Variants in CHD1 observed in about 807,000 individuals in gnomAD.
The protein encoded by CHD1 is chromodomain helicase DNA binding protein 1, also known as ATP-dependent chromatin remodeler CHD1.
Under a neutral mutation model 224.2 loss-of-function variants are expected in CHD1, and 36 were observed. The ratio of observed to expected loss-of-function variants is 0.16; its 90% CI spans 0.12 to 0.21. CHD1 has a LOEUF of 0.21. Ranked by LOEUF, CHD1 falls within the 10% of genes least tolerant of loss-of-function variation. CHD1 has a pLI of 1.00. For synonymous variants in CHD1, 668 were observed against 658.3 expected (o/e 1.01, Z -0.23); for missense variants, 1,378 against 1,994.8 (o/e 0.69, Z 5.89).
chr5:98,881,377 TA>T lies in CHD1; in HGVS notation c.2868-3del, dbSNP rs1419075262. Reference sequence around the variant, plus strand: ...TCTTCTTTATTGAAAGGAGTAGAACTAAAACAGGAAAAACAAAAATGCTTAA... The same window carrying T: ...TCTTCTTTATTGAAAGGAGTAGAACTAAACAGGAAAAACAAAAATGCTTAA... On this transcript the variant is annotated splice_polypyrimidine_tract_variant and splice_region_variant and intron_variant, in intron 20 of 35. Transcript: ENST00000614616. 1.4e-6 allele frequency: 2 copies of T among 1,472,652 alleles called. No individual in the cohort carries two copies. Among genetic ancestry groups the T allele is most frequent in the Non-Finnish European group, 1.8e-6 (2 of 1,098,176 alleles). 91.2% of individuals were successfully genotyped at this position (1,472,652 alleles called of 1,614,324 possible).
intron 25 of CHD1, among the ~76,000 whole-genome samples, chr5:98,874,141 A>G (rs1749568058): frequency 6.6e-6 from 1 of 152,166 alleles, no homozygotes; most frequent in Non-Finnish European, 1.5e-5. Context: ...ATAATTATGC[A>G]AGTATTTCAT....
intron 33 of CHD1, 34 bp from the exon 34 acceptor site, chr5:98,859,049 G>T: frequency 2.0e-6 from 3 of 1,521,624 alleles, no homozygotes; most frequent in Non-Finnish European, 2.7e-6. Context: ...AGAATCTTTA[G>T]GTGACTTCAC....
At chr5:98,878,614 T>C (rs930613796) in intron 23 of CHD1, among the ~76,000 whole-genome samples, 1 of 152,218 alleles carries the variant, frequency 6.6e-6, no homozygotes, top group African/African-American at 2.4e-5. Context: ...CTTAGGCCAC[T>C]GAATAAACAC....
chr5:98,911,990 G>A (rs1295040080), intron 2 of CHD1, among the ~76,000 whole-genome samples: 1 of 151,912 alleles, frequency 6.6e-6, no homozygotes, highest in Non-Finnish European at 1.5e-5. Context: ...AAACAATATA[G>A]GCCTTGAGTA....
intron 32 of CHD1, 63 bp downstream of exon 32, chr5:98,863,345 A>AAC: frequency 7.2e-6 from 1 of 138,690 alleles, no homozygotes; most frequent in Non-Finnish European, 1.1e-5. Context: ...GAAAGAAAAC[A>AAC]AAAAAAAAAA....
chr5:98,870,001 TAA>T, intron 29 of CHD1, 119 bp from the exon 30 acceptor site: 1 of 683,206 alleles, frequency 1.5e-6, no homozygotes, highest in Non-Finnish European at 2.4e-6. Flanking sequence ...CTATTGGTAA[TAA>T]GCTGTACCAA....
intron 35 of CHD1, 149 bp from the exon 36 acceptor site, chr5:98,856,874 C>T (rs1748074804): frequency 1.6e-6 from 1 of 610,702 alleles, no homozygotes; most frequent in African/African-American, 1.9e-5. Flanking sequence ...ACTTAATTAA[C>T]TCAAAAATCA....
chr5:98,875,092 T>C lies in CHD1; in HGVS notation c.3420A>G (p.Lys1140=). The C allele has an allele frequency of 6.6e-7, 1 of 1,516,538 alleles. No homozygotes were observed. The highest frequency in any genetic ancestry group is 9.1e-7 in the Non-Finnish European group (1 of 1,097,652). The allele number at this position is 1,516,538 out of a possible 1,614,324, so 93.9% of individuals were successfully genotyped here. The change falls in exon 25 of 36, where the codon AAA becomes AAG. Residue 1140 remains lysine, a synonymous_variant. Transcript: ENST00000614616. ...TTTACCTTTCCAGAGGACCACCAAA[T>C]TTCTTATAGCTCTTGATAAACCTAA... is the stretch of plus-strand genomic sequence containing the variant. ...EIRRFIKSYK[K]FGGPLERLDA...
intron 3 of CHD1, among the ~76,000 whole-genome samples, chr5:98,904,522 A>C (rs1228745450): frequency 6.6e-6 from 1 of 152,224 alleles, no homozygotes; most frequent in East Asian, 1.9e-4. Context: ...AGTAGCAATA[A>C]AGTATCTCCT....
At chr5:98,894,877 A>G (rs930248528) in intron 12 of CHD1, among the ~76,000 whole-genome samples, 191 bp from the exon 13 acceptor site, 1 of 151,470 alleles carries the variant, frequency 6.6e-6, no homozygotes, top group Non-Finnish European at 1.5e-5. Flanking sequence ...GGTGGAGTGC[A>G]ATGGCGTGAT....
At chr5:98,891,785 T>C (rs563485665) in intron 15 of CHD1, among the ~76,000 whole-genome samples, 10 of 152,230 alleles carry the variant, frequency 6.6e-5, no homozygotes, top group Admixed American at 5.9e-4. Flanking sequence ...TACTCCAGCC[T>C]GGAGTACAAA....
At chr5:98,885,768 A>T in intron 17 of CHD1, 119 bp from the exon 18 acceptor site, 1 of 650,528 alleles carries the variant, frequency 1.5e-6, no homozygotes, top group Non-Finnish European at 2.7e-6. Flanking sequence ...ACTATAATAG[A>T]AAGTACTTAC....
intron 22 of CHD1, 22 bp from the exon 23 acceptor site, chr5:98,879,750 A>G: frequency 6.6e-7 from 1 of 1,524,950 alleles, no homozygotes; most frequent in South Asian, 1.2e-5. Context: ...CAGAATTTTA[A>G]GAGTAACTGT....
At chr5:98,874,509 G>A (rs937551119) in intron 25 of CHD1, among the ~76,000 whole-genome samples, 62 of 143,604 alleles carry the variant, frequency 4.3e-4, no homozygotes, top group African/African-American at 1.6e-3. Flanking sequence ...AGACCAACCT[G>A]GCCAATATGG....
At chr5:98,862,423 T>C (rs922502086) in intron 32 of CHD1, among the ~76,000 whole-genome samples, 1 of 152,142 alleles carries the variant, frequency 6.6e-6, no homozygotes, top group African/African-American at 2.4e-5. Flanking sequence ...CAGAACACAA[T>C]GAAAAAGTTA....
At chr5:98,911,146 A>ATATATATAT (rs1554081078) in intron 2 of CHD1, among the ~76,000 whole-genome samples, 17 of 39,116 alleles carry the variant, frequency 4.3e-4, no homozygotes, top group African/African-American at 4.8e-4. Context: ...AAAAAAAAAA[A>ATATATATAT]ATATATATAT....
At chr5:98,866,501 T>C (rs1046123505) in intron 31 of CHD1, among the ~76,000 whole-genome samples, 1 of 152,180 alleles carries the variant, frequency 6.6e-6, no homozygotes, top group Non-Finnish European at 1.5e-5. Context: ...GCTGGGGATC[T>C]AGAAGGACAT....
Position 98,914,516 on chromosome 5 carries a change from A to AG in CHD1, c.54-9419dup, listed in dbSNP as rs577980248. Among the ~76,000 whole-genome samples the AG allele has an allele frequency of 1.3e-4, 19 of 147,428 alleles. 1 individual carries two copies. In the South Asian group the frequency reaches 2.8e-3, roughly 22 times the overall value. ...GTTTCTATTGGGAACAAAATGCCATAGAAAAAAAAAATACCTTATGTGAAA... is the reference window on the plus strand; with the variant it reads ...GTTTCTATTGGGAACAAAATGCCATAGGAAAAAAAAAATACCTTATGTGAAA... On this transcript the variant is annotated intron_variant, in intron 2 of 35. Transcript: ENST00000614616.
At chr5:98,912,339 T>A (rs1041775900) in intron 2 of CHD1, among the ~76,000 whole-genome samples, 1 of 152,098 alleles carries the variant, frequency 6.6e-6, no homozygotes, top group Non-Finnish European at 1.5e-5. Flanking sequence ...CAAAACTTTT[T>A]AAAAAAATCC....
Sources: gnomAD v4.1 joint callset for allele counts (sites outside exome capture counted in the v4.1 genomes callset) on GRCh38, gnomAD v4.1.1 for gene constraint, MANE v1.5 for transcripts, NCBI Gene and HGNC (gene_info 2026-07-23, HGNC 2026-07-21) for gene names.